Variants in SPECC1 observed in about 807,000 individuals in gnomAD.
SPECC1 encodes cytospin-B.
Under a neutral mutation model 104.1 loss-of-function variants are expected in SPECC1, and 62 were observed. The observed-to-expected ratio is 0.60, with a 90% CI of 0.49 to 0.74. The LOEUF is 0.74. SPECC1 is among the 30% of genes least tolerant of loss of function. SPECC1 has a pLI of 0.00. For synonymous variants in SPECC1, 513 were observed against 501.6 expected (o/e 1.02, Z -0.30); for missense variants, 1,306 against 1,310.5 (o/e 1.00, Z 0.05).
chr17:20,192,599 G>A (rs2035748031), intron 3 of SPECC1, among the ~76,000 whole-genome samples: 3 of 152,164 alleles, frequency 2.0e-5, no homozygotes, highest in African/African-American at 7.2e-5. Flanking sequence ...TGTAAGGTGA[G>A]GGTGGATATT....
intron 1 of SPECC1, among the ~76,000 whole-genome samples, chr17:20,036,153 G>T (rs1184506121): frequency 6.1e-5 from 9 of 148,188 alleles, no homozygotes; most frequent in Non-Finnish European, 1.0e-4. Flanking sequence ...TATTTTTTTT[G>T]AGATGGAGTC....
In SPECC1 at chr17:20,292,853, G is replaced by A. The variant is rs191667089; in HGVS notation, c.2941-4108G>A. Among the ~76,000 whole-genome samples the A allele has an allele frequency of 9.2e-5, 14 of 152,330 alleles. No homozygotes were observed. The East Asian group carries it at 1.2e-3, about 13-fold the overall frequency. On this transcript the variant is annotated intron_variant, in intron 12 of 14. Coordinates refer to ENST00000395527, the MANE Select transcript of SPECC1 (RefSeq NM_001243439.2). ...GTCGTGAAAGCCAAGATGAAGAGAC[G>A]TTATTATGGTTGTGTGTTGCTTTCA...
At chr17:20,059,968 T>G (rs1374503216) in intron 1 of SPECC1, among the ~76,000 whole-genome samples, 1 of 152,250 alleles carries the variant, frequency 6.6e-6, no homozygotes, top group African/African-American at 2.4e-5. Flanking sequence ...GGTTTGTACA[T>G]GAGCTAGCAC....
chr17:20,222,191 G>A (rs935961137), intron 4 of SPECC1, among the ~76,000 whole-genome samples: 1 of 151,972 alleles, frequency 6.6e-6, no homozygotes, highest in Non-Finnish European at 1.5e-5. Context: ...AAATTAGCTG[G>A]GTGTGGTGGC....
chr17:20,286,725 C>A (rs759277099), intron 12 of SPECC1, among the ~76,000 whole-genome samples: 9 of 152,208 alleles, frequency 5.9e-5, no homozygotes, highest in Non-Finnish European at 1.2e-4. Context: ...GCTTCCTTGA[C>A]CTCTCTGGTC....
At position 20,317,054 on chromosome 17, in the gene SPECC1, CA is replaced by C. The variant is rs748107427; in HGVS notation, c.*2990del. 72 of 126,706 alleles carry C rather than the reference CA, an allele frequency of 5.7e-4. No individual in the cohort carries two copies. Among genetic ancestry groups the C allele is most frequent in the African/African-American group, 3.8e-3 (53 of 14,072 alleles). 7.8% of individuals were successfully genotyped at this position (126,706 alleles called of 1,614,324 possible). A position where few individuals can be genotyped will look rare whatever the true frequency, so the allele number is the denominator to read the frequency against. On this transcript the variant is annotated 3_prime_UTR_variant, in exon 15 of 15. Coordinates refer to ENST00000395527, the MANE Select transcript of SPECC1 (RefSeq NM_001243439.2). ...CAACTCCAGGAGTTTCCCCGACTAC[CA>C]TTTTTTTTTTTTTTATTTGCCAGTG...
At chr17:20,236,181 A>C (rs1357481387) in intron 7 of SPECC1, among the ~76,000 whole-genome samples, 1 of 152,072 alleles carries the variant, frequency 6.6e-6, no homozygotes, top group African/African-American at 2.4e-5. Flanking sequence ...GAGGATTCTT[A>C]AGCAGTTTCT....
chr17:20,016,558 G>A (rs1597565436), intron 1 of SPECC1, among the ~76,000 whole-genome samples: 1 of 152,202 alleles, frequency 6.6e-6, no homozygotes, highest in Admixed American at 6.5e-5. Context: ...CCCGCACTGG[G>A]AGCGGCCGGC....
chr17:20,197,614 C>T (rs1420972071), intron 3 of SPECC1, among the ~76,000 whole-genome samples: 1 of 152,198 alleles, frequency 6.6e-6, no homozygotes, highest in South Asian at 2.1e-4. Context: ...CCCTAAAATT[C>T]CTGTTCCCTG....
At chr17:20,090,756 G>A (rs959858812) in intron 1 of SPECC1, among the ~76,000 whole-genome samples, 2 of 152,176 alleles carry the variant, frequency 1.3e-5, no homozygotes, top group African/African-American at 4.8e-5. Flanking sequence ...GGCAGCTTTG[G>A]AGACAGAAGG....
chr17:20,075,781 AC>A (rs1410034458), intron 1 of SPECC1, among the ~76,000 whole-genome samples: 1 of 152,096 alleles, frequency 6.6e-6, no homozygotes, highest in Non-Finnish European at 1.5e-5. Flanking sequence ...CCTCATCTTT[AC>A]AAAAAAATCA....
chr17:20,283,042 G>A (rs550397976), intron 12 of SPECC1, among the ~76,000 whole-genome samples: 14 of 152,186 alleles, frequency 9.2e-5, no homozygotes, highest in Non-Finnish European at 1.9e-4. Context: ...AAATTAGCCA[G>A]GCATGGTGGC....
chr17:20,172,043 T>G (rs932132824), intron 3 of SPECC1, among the ~76,000 whole-genome samples: 2 of 152,212 alleles, frequency 1.3e-5, no homozygotes, highest in African/African-American at 4.8e-5. Context: ...CTCTCTTCCT[T>G]TTCCCGCTGA....
chr17:20,260,335 A>G, intron 12 of SPECC1, 41 bp downstream of exon 12: 1 of 1,575,184 alleles, frequency 6.3e-7, no homozygotes. Flanking sequence ...GCCCCTGGGC[A>G]GTAGTAGTCC....
At chr17:20,310,075 G>C (rs2041889138) in intron 14 of SPECC1, among the ~76,000 whole-genome samples, 1 of 152,000 alleles carries the variant, frequency 6.6e-6, no homozygotes, top group Non-Finnish European at 1.5e-5. Context: ...ACCCACCTCA[G>C]CCTCCCAAAG....
intron 12 of SPECC1, among the ~76,000 whole-genome samples, chr17:20,281,657 C>T (rs988947837): frequency 6.6e-6 from 1 of 152,214 alleles, no homozygotes; most frequent in African/African-American, 2.4e-5. Context: ...AATGGGGCTT[C>T]AGGGGGCTGC....
At chr17:20,303,014 A>G (rs1567620584) in intron 13 of SPECC1, among the ~76,000 whole-genome samples, 2 of 152,238 alleles carry the variant, frequency 1.3e-5, no homozygotes, top group Non-Finnish European at 2.9e-5. Flanking sequence ...AATACAAATT[A>G]AAACAATAAA....
intron 12 of SPECC1, among the ~76,000 whole-genome samples, chr17:20,265,167 G>A (rs1163663294): frequency 6.6e-6 from 1 of 152,112 alleles, no homozygotes; most frequent in African/African-American, 2.4e-5. Context: ...TCTATTTTTA[G>A]TACCTTGAGA....
intron 3 of SPECC1, among the ~76,000 whole-genome samples, chr17:20,118,424 T>G (rs1190188175): frequency 6.6e-6 from 1 of 152,242 alleles, no homozygotes; most frequent in Non-Finnish European, 1.5e-5. Context: ...TAAGTATGTA[T>G]TCATACAGGG....
Sources: allele counts gnomAD v4.1 joint callset (sites outside exome capture counted in the v4.1 genomes callset), GRCh38; gene constraint gnomAD v4.1.1; transcripts MANE v1.5; gene names NCBI Gene and HGNC (gene_info 2026-07-23, HGNC 2026-07-21).